Variants in NKAIN3 observed in about 807,000 individuals in gnomAD.
The protein encoded by NKAIN3 is sodium/potassium transporting ATPase interacting 3.
Under a neutral mutation model 30.2 loss-of-function variants are expected in NKAIN3, and 25 were observed. That is an observed-to-expected ratio of 0.83 (90% CI 0.60 to 1.16). The LOEUF is 1.16. Ranked by LOEUF, NKAIN3 falls within the 50% of genes most tolerant of loss-of-function variation. NKAIN3 has a pLI of 0.00. For synonymous variants in NKAIN3, 91 were observed against 89.6 expected, an observed-to-expected ratio of 1.02 and a Z score of -0.09; for missense variants, 225 against 254.1, an observed-to-expected ratio of 0.89 and a Z score of 0.78.
intron 4 of NKAIN3, among the ~76,000 whole-genome samples, chr8:62,787,062 A>G (rs73256936): frequency 0.011 from 1,623 of 152,296 alleles, 22 homozygotes; most frequent in South Asian, 0.031. Context: ...ACAGCAGGAG[A>G]AAAACAGAAA....
intron 1 of NKAIN3, among the ~76,000 whole-genome samples, chr8:62,502,702 TTTGTA>T (rs1455615118): frequency 6.6e-6 from 1 of 152,178 alleles, no homozygotes; most frequent in Non-Finnish European, 1.5e-5. Context: ...TGATTTGAAA[TTTGTA>T]TTGTATATAC....
chr8:62,782,998 T>C (rs889563878), intron 4 of NKAIN3, among the ~76,000 whole-genome samples: 1 of 151,978 alleles, frequency 6.6e-6, no homozygotes, highest in African/African-American at 2.4e-5. Context: ...ATACCCCAAA[T>C]GCTGACTTGA....
At chr8:62,467,692 A>T (rs1055361747) in intron 1 of NKAIN3, among the ~76,000 whole-genome samples, 7 of 152,212 alleles carry the variant, frequency 4.6e-5, no homozygotes, top group African/African-American at 1.4e-4. Flanking sequence ...TACATCAAAG[A>T]GAGTAACCAT....
chr8:62,709,851 G>A (rs1376811611), intron 3 of NKAIN3, among the ~76,000 whole-genome samples: 1 of 151,966 alleles, frequency 6.6e-6, no homozygotes, highest in Non-Finnish European at 1.5e-5. Flanking sequence ...TTTGATGTAG[G>A]CATTTAGGGC....
In NKAIN3 at chr8:62,799,225, A is replaced by G. The variant is rs189911584; in HGVS notation, c.471+52096A>G. Among the ~76,000 whole-genome samples, 50 of 152,326 alleles carry G rather than the reference A, an allele frequency of 3.3e-4. 1 individual carries two copies. In the East Asian group the frequency reaches 8.7e-3, roughly 26 times the overall value. ...TCATCATGTTTGGAGCATATTTCCT[A>G]CTTAAAGTAATAATCAGCAGAGTTA... On this transcript the variant is annotated intron_variant, in intron 4 of 6. Transcript: ENST00000623646.
chr8:62,296,022 CTG>C (rs1813816943), intron 1 of NKAIN3, among the ~76,000 whole-genome samples: 1 of 152,180 alleles, frequency 6.6e-6, no homozygotes. Flanking sequence ...ACCTGTAAGA[CTG>C]TATTGAGTTA....
At chr8:62,708,154 A>G (rs541078286) in intron 3 of NKAIN3, among the ~76,000 whole-genome samples, 2 of 152,284 alleles carry the variant, frequency 1.3e-5, no homozygotes, top group African/African-American at 2.4e-5. Flanking sequence ...GAAATCAGGT[A>G]GTGTGATGCC....
intron 3 of NKAIN3, among the ~76,000 whole-genome samples, chr8:62,695,609 T>C (rs1012539327): frequency 6.6e-6 from 1 of 152,198 alleles, no homozygotes; most frequent in Admixed American, 6.5e-5. Flanking sequence ...GAGCCAAGAA[T>C]GAATGATTTT....
chr8:62,577,756 T>C (rs1216057470), intron 1 of NKAIN3, among the ~76,000 whole-genome samples: 1 of 151,800 alleles, frequency 6.6e-6, no homozygotes, highest in Non-Finnish European at 1.5e-5. Context: ...TTTTGCGTTT[T>C]AGCCATGTCT....
intron 1 of NKAIN3, among the ~76,000 whole-genome samples, chr8:62,464,374 G>A (rs1040284978): frequency 6.6e-6 from 1 of 152,186 alleles, no homozygotes; most frequent in Non-Finnish European, 1.5e-5. Context: ...AATTATCAAT[G>A]TCTAATCTTC....
chr8:62,497,435 T>TC (rs1412254355), intron 1 of NKAIN3, among the ~76,000 whole-genome samples: 2 of 151,436 alleles, frequency 1.3e-5, no homozygotes, highest in Non-Finnish European at 2.9e-5. Context: ...ATAACCTATT[T>TC]TTTTTTTTAT....
At chr8:62,725,669 C>T (rs1203367212) in intron 3 of NKAIN3, among the ~76,000 whole-genome samples, 3 of 151,940 alleles carry the variant, frequency 2.0e-5, no homozygotes, top group East Asian at 1.9e-4. Flanking sequence ...TGTAGATGTA[C>T]GGATTTATTT....
At chr8:62,397,595 G>C (rs1554526130) in intron 1 of NKAIN3, among the ~76,000 whole-genome samples, 1 of 152,080 alleles carries the variant, frequency 6.6e-6, no homozygotes, top group Non-Finnish European at 1.5e-5. Flanking sequence ...CTCCCAATTA[G>C]TTCTCTATCC....
chr8:62,860,286 T>C (rs1273438145), intron 4 of NKAIN3, among the ~76,000 whole-genome samples: 2 of 152,190 alleles, frequency 1.3e-5, no homozygotes, highest in Non-Finnish European at 2.9e-5. Flanking sequence ...CAGACCTAAA[T>C]GTAATCTCAC....
At chr8:62,300,669 G>T (rs778447895) in intron 1 of NKAIN3, among the ~76,000 whole-genome samples, 13 of 151,916 alleles carry the variant, frequency 8.6e-5, no homozygotes, top group Admixed American at 5.3e-4. Context: ...TTACATTTTT[G>T]CATTTGATGT....
intron 4 of NKAIN3, among the ~76,000 whole-genome samples, chr8:62,853,146 G>A (rs1218427693): frequency 6.6e-6 from 1 of 152,074 alleles, no homozygotes; most frequent in Non-Finnish European, 1.5e-5. Flanking sequence ...TCCTGTATTT[G>A]GTGCATATAT....
At chr8:62,268,309 C>T (rs1328783488) in intron 1 of NKAIN3, among the ~76,000 whole-genome samples, 4 of 152,138 alleles carry the variant, frequency 2.6e-5, no homozygotes, top group Admixed American at 2.0e-4. Flanking sequence ...AAAGACTGTC[C>T]ATATCTAGAA....
At chr8:62,452,700 A>T (rs1805685139) in intron 1 of NKAIN3, among the ~76,000 whole-genome samples, 1 of 152,180 alleles carries the variant, frequency 6.6e-6, no homozygotes, top group Admixed American at 6.5e-5. Context: ...TTTGTAATTT[A>T]TCCCTTATCA....
At chr8:62,916,760 G>C (rs1822116419) in intron 4 of NKAIN3, among the ~76,000 whole-genome samples, 1 of 152,132 alleles carries the variant, frequency 6.6e-6, no homozygotes, top group African/African-American at 2.4e-5. Flanking sequence ...TTCTCTCACT[G>C]TTCCTCTGCG....
Sources: allele counts gnomAD v4.1 joint callset (sites outside exome capture counted in the v4.1 genomes callset), GRCh38; gene constraint gnomAD v4.1.1; transcripts MANE v1.5; gene names NCBI Gene and HGNC (gene_info 2026-07-23, HGNC 2026-07-21).